Variants in SELENOT observed in about 807,000 individuals in gnomAD.
SELENOT encodes the protein selenoprotein T.
SELENOT carries 9 observed loss-of-function variants against 24.3 expected under a neutral mutation model. That is an observed-to-expected ratio of 0.37 (90% CI 0.22 to 0.65). The LOEUF (loss-of-function observed/expected upper bound fraction) is 0.65. Among genes scored for constraint, SELENOT ranks in the 30% least tolerant of loss-of-function variants. The probability of loss-of-function intolerance (pLI) is 0.60; values close to 1 mark genes in which losing one functional copy is unlikely to be tolerated. For synonymous variants in SELENOT, 81 were observed against 86.0 expected, an observed-to-expected ratio of 0.94 and a Z score of 0.32; for missense variants, 166 against 247.6, an observed-to-expected ratio of 0.67 and a Z score of 2.21.
chr3:150,622,997 T>C (rs758664335), intron 2 of SELENOT, 46 bp from the exon 3 acceptor site: 1 of 1,466,120 alleles, frequency 6.8e-7, no homozygotes, highest in Non-Finnish European at 9.1e-7. Context: ...TTAAAGTAGA[T>C]TGGAAATTGT....
intron 1 of SELENOT, among the ~76,000 whole-genome samples, chr3:150,616,118 A>G (rs1726207207): frequency 6.7e-6 from 1 of 149,762 alleles, no homozygotes; most frequent in South Asian, 2.1e-4. Flanking sequence ...CCTATTTAAT[A>G]AATGGTGCTG....
chr3:150,611,983 C>G, intron 1 of SELENOT: 1 of 577,362 alleles, frequency 1.7e-6, no homozygotes, highest in Non-Finnish European at 2.9e-6. Context: ...TGGCAGAACA[C>G]CAACTGGGCC....
rs1726101359 is a variant in SELENOT, at chr3:150,611,844, C to T, written c.137+8345C>T. 1.7e-5 allele frequency: 16 copies of T among 932,606 alleles called. No individual in the cohort carries two copies. In the South Asian group the frequency reaches 2.0e-4, roughly 12 times the overall value. 57.8% of individuals were successfully genotyped at this position (932,606 alleles called of 1,614,324 possible). On this transcript the variant is annotated intron_variant, in intron 1 of 5. Coordinates refer to ENST00000471696, the MANE Select transcript of SELENOT (RefSeq NM_016275.5). Reference sequence around the variant, plus strand: ...CGACCACAGCGGCCACTGCGGCTGCCGCCTCCCCACTGCCCAGGCGTGAAG... The same window carrying T: ...CGACCACAGCGGCCACTGCGGCTGCTGCCTCCCCACTGCCCAGGCGTGAAG...
intron 3 of SELENOT, among the ~76,000 whole-genome samples, chr3:150,623,531 A>G (rs754063230): frequency 2.4e-4 from 36 of 152,230 alleles, no homozygotes; most frequent in Non-Finnish European, 4.4e-4. Context: ...AATTAATGTC[A>G]TATTAGTGGG....
chr3:150,613,412 T>C (rs891837612), intron 1 of SELENOT, among the ~76,000 whole-genome samples: 7 of 152,216 alleles, frequency 4.6e-5, no homozygotes, highest in Non-Finnish European at 7.3e-5. Context: ...TGTTAAAGCA[T>C]GTTTCTTTGT....
intron 1 of SELENOT, chr3:150,611,470 T>C (rs1003623505): frequency 1.7e-6 from 2 of 1,192,396 alleles, no homozygotes; most frequent in African/African-American, 3.0e-5. Flanking sequence ...TTGTAATTGG[T>C]ATAAATCAAC....
chr3:150,617,692 G>A (rs1328992676), intron 1 of SELENOT, among the ~76,000 whole-genome samples: 2 of 152,064 alleles, frequency 1.3e-5, no homozygotes, highest in Non-Finnish European at 2.9e-5. Context: ...TGCTGCAGCT[G>A]TAAGAGAAAT....
chr3:150,621,269 AC>A (rs879860836), intron 1 of SELENOT, among the ~76,000 whole-genome samples: 123 of 151,436 alleles, frequency 8.1e-4, no homozygotes, highest in African/African-American at 2.9e-3. Context: ...GTTCCCTCAC[AC>A]CCCCCCCAAA....
chr3:150,603,475 G>T lies in SELENOT; in HGVS notation c.113G>T (p.Gly38Val), dbSNP rs775075442. 6 of 1,608,394 alleles carry T rather than the reference G, an allele frequency of 3.7e-6. No homozygotes were observed. In the South Asian group the frequency reaches 6.6e-5, roughly 18 times the overall value. The change falls in exon 1 of 6, where the codon GGG becomes GTG. Residue 38 changes from glycine (G) to valine (V), a missense_variant. Physicochemically the swap from Gly to Val is moderately radical, Grantham distance 109 (BLOSUM62 -3). This residue lies in a region of SELENOT where 46 missense variants were observed against 49.3 expected (regional missense o/e 0.93). Transcript: ENST00000471696. The stretch of plus-strand genomic sequence containing the variant: ...AGATTAAAGATGCAGTACGCCACGG[G>T]GCCGCTGCTCAAGTTCCAGATTTGG... ...SKRLKMQYAT[G>V]PLLKFQICVS... is the part of the protein sequence containing the mutation.
chr3:150,604,826 G>A (rs1455199686), intron 1 of SELENOT, among the ~76,000 whole-genome samples: 2 of 151,994 alleles, frequency 1.3e-5, no homozygotes, highest in Non-Finnish European at 2.9e-5. Context: ...ACCTGAGGTC[G>A]GGAGTTCGAG....
At chr3:150,608,908 A>C (rs1365899232) in intron 1 of SELENOT, among the ~76,000 whole-genome samples, 1 of 152,254 alleles carries the variant, frequency 6.6e-6, no homozygotes, top group Non-Finnish European at 1.5e-5. Flanking sequence ...TTTGCCATTA[A>C]GGCAAGTGCT....
At chr3:150,605,358 G>A (rs1725938951) in intron 1 of SELENOT, among the ~76,000 whole-genome samples, 1 of 151,730 alleles carries the variant, frequency 6.6e-6, no homozygotes. Flanking sequence ...TAATTTACCA[G>A]GTGTATCTTC....
intron 1 of SELENOT, chr3:150,618,991 A>G (rs1576533091): frequency 6.6e-6 from 1 of 152,116 alleles, no homozygotes; most frequent in Non-Finnish European, 1.5e-5. Context: ...AGCAATTGCA[A>G]CAGTTGATTC....
At chr3:150,603,838 C>T (rs894565989) in intron 1 of SELENOT, among the ~76,000 whole-genome samples, 4 of 152,292 alleles carry the variant, frequency 2.6e-5, no homozygotes, top group African/African-American at 9.6e-5. Context: ...CCCCGGCTGC[C>T]TGCGGAGATG....
intron 1 of SELENOT, among the ~76,000 whole-genome samples, chr3:150,603,927 A>G (rs947844707): frequency 1.3e-5 from 2 of 152,208 alleles, no homozygotes; most frequent in South Asian, 2.1e-4. Flanking sequence ...TTCCGGGGTA[A>G]TGCCGGGCGG....
chr3:150,617,838 T>TTGGTTTG (rs1559897192), intron 1 of SELENOT, among the ~76,000 whole-genome samples: 2 of 150,762 alleles, frequency 1.3e-5, no homozygotes, highest in Non-Finnish European at 3.0e-5. Context: ...CAACTGTTTT[T>TTGGTTTG]GTTTGGTTTG....
intron 1 of SELENOT, among the ~76,000 whole-genome samples, chr3:150,606,125 GT>G (rs201467838): frequency 4.4e-4 from 62 of 139,958 alleles, no homozygotes; most frequent in Middle Eastern, 7.8e-3. Flanking sequence ...TCCTATTCTC[GT>G]TTTTTTTTTT....
intron 4 of SELENOT, 100 bp from the exon 5 acceptor site, chr3:150,626,910 T>C: frequency 1.6e-6 from 2 of 1,232,832 alleles, no homozygotes; most frequent in Non-Finnish European, 2.2e-6. Flanking sequence ...CCTACTTTTG[T>C]ATCCCAGTTG....
chr3:150,625,131 C>G (rs531790109), intron 4 of SELENOT, among the ~76,000 whole-genome samples: 1 of 151,616 alleles, frequency 6.6e-6, no homozygotes, highest in African/African-American at 2.4e-5. Context: ...TTCACACCTT[C>G]GAATTCCTTG....
Sources: gnomAD v4.1 joint callset for allele counts (sites outside exome capture counted in the v4.1 genomes callset) on GRCh38, gnomAD v4.1.1 for gene constraint, gnomAD v4.1.1 regional missense constraint, MANE v1.5 for transcripts, NCBI Gene and HGNC (gene_info 2026-07-23, HGNC 2026-07-21) for gene names.